The following NEBL variants were observed in gnomAD, a reference collection of about 807,000 sequenced individuals.
NEBL encodes the protein LIM and SH3 protein 2.
Under a neutral mutation model 140.2 loss-of-function variants are expected in NEBL, and 122 were observed. That is an observed-to-expected ratio of 0.87 (90% CI 0.75 to 1.01). NEBL has a LOEUF of 1.01. Among genes scored for constraint, NEBL ranks in the 50% least tolerant of loss-of-function variants. NEBL has a pLI of 0.00. For synonymous variants in NEBL, 436 were observed against 398.9 expected, an observed-to-expected ratio of 1.09 and a Z score of -1.11; for missense variants, 1,365 against 1,231.3, an observed-to-expected ratio of 1.11 and a Z score of -1.62.
intron 2 of NEBL, among the ~76,000 whole-genome samples, chr10:21,077,994 A>C (rs1321364769): frequency 6.6e-6 from 1 of 152,238 alleles, no homozygotes; most frequent in African/African-American, 2.4e-5. Context: ...TCACAGGGAC[A>C]CTGAGACACC....
intron 2 of NEBL, among the ~76,000 whole-genome samples, chr10:21,087,792 T>C (rs1165004928): frequency 2.0e-5 from 3 of 152,220 alleles, no homozygotes; most frequent in Non-Finnish European, 4.4e-5. Context: ...AATATTTAAG[T>C]GCCTTAGATA....
intron 3 of NEBL, among the ~76,000 whole-genome samples, chr10:21,230,541 T>G (rs1212543680): frequency 6.6e-6 from 1 of 152,080 alleles, no homozygotes; most frequent in African/African-American, 2.4e-5. Context: ...CCCTTTTGTT[T>G]TGAGAGAAAA....
At chr10:20,803,827 A>T (rs1837364364) in intron 26 of NEBL, among the ~76,000 whole-genome samples, 1 of 146,510 alleles carries the variant, frequency 6.8e-6, no homozygotes, top group African/African-American at 2.6e-5. Flanking sequence ...ATATATATAT[A>T]TATATATATA....
At chr10:21,109,992 C>T (rs1837914611) in intron 2 of NEBL, among the ~76,000 whole-genome samples, 1 of 151,904 alleles carries the variant, frequency 6.6e-6, no homozygotes, top group Non-Finnish European at 1.5e-5. Flanking sequence ...GTTTTTCATG[C>T]CTCTATCTCC....
At chr10:21,257,431 G>T (rs1412711668) in intron 1 of NEBL, among the ~76,000 whole-genome samples, 1 of 152,146 alleles carries the variant, frequency 6.6e-6, no homozygotes. Flanking sequence ...ATCTTACAGC[G>T]TTCTCCTGAG....
chr10:20,787,107 C>A, intron 27 of NEBL, 95 bp downstream of exon 27: 1 of 991,416 alleles, frequency 1.0e-6, no homozygotes, highest in South Asian at 1.4e-5. Context: ...ATGAAAATAC[C>A]CAATATTCAA....
rs794729079 is a variant in NEBL, at chr10:20,814,014, C to T, written c.2271G>A (p.Met757Ile). The T allele has an allele frequency of 3.1e-6, 5 of 1,609,488 alleles. No individual in the cohort carries two copies. The highest frequency in any genetic ancestry group is 4.3e-6 in the Non-Finnish European group (5 of 1,175,884). ...CTAAAATCAGACTTGGTCTACCTTT[C>T]ATCTGTTTATGGTCCTGGGTATATT... ...SVKYTQDHKQ[M>I]KGRPSLILDT... is the part of the protein sequence containing the mutation. Residue 757 changes from methionine (M) to isoleucine (I), a missense_variant, in exon 23 of 28, where the codon ATG (methionine) becomes ATA (isoleucine). Coordinates refer to ENST00000377122, the MANE Select transcript of NEBL (RefSeq NM_006393.3).
chr10:21,150,939 G>A (rs1055918532), intron 2 of NEBL, among the ~76,000 whole-genome samples: 1 of 152,150 alleles, frequency 6.6e-6, no homozygotes, highest in Non-Finnish European at 1.5e-5. Context: ...ATGCTCAAAA[G>A]AGGTGAGAGG....
At chr10:20,797,516 A>G (rs939184691) in intron 26 of NEBL, among the ~76,000 whole-genome samples, 2 of 152,186 alleles carry the variant, frequency 1.3e-5, no homozygotes, top group African/African-American at 4.8e-5. Flanking sequence ...TTTCCAACAA[A>G]TAGACATATA....
At chr10:21,002,522 C>T (rs189018682) in intron 3 of NEBL, among the ~76,000 whole-genome samples, 10 of 152,228 alleles carry the variant, frequency 6.6e-5, no homozygotes, top group Admixed American at 3.3e-4. Context: ...TCCATTCTCA[C>T]GCTGCTATAA....
chr10:20,838,146 G>A (rs1350879348), intron 13 of NEBL, among the ~76,000 whole-genome samples: 2 of 152,140 alleles, frequency 1.3e-5, no homozygotes, highest in African/African-American at 4.8e-5. Context: ...TGTCATAGAT[G>A]GTGATTCCTC....
At chr10:21,163,835 C>T (rs1330037823) in intron 2 of NEBL, among the ~76,000 whole-genome samples, 1 of 152,216 alleles carries the variant, frequency 6.6e-6, no homozygotes, top group Non-Finnish European at 1.5e-5. Flanking sequence ...AATGAGTCAA[C>T]AGAGAGTGTG....
At chr10:20,878,342 A>T (rs1371301502) in intron 5 of NEBL, among the ~76,000 whole-genome samples, 1 of 152,216 alleles carries the variant, frequency 6.6e-6, no homozygotes, top group Non-Finnish European at 1.5e-5. Flanking sequence ...GGTGAATCAG[A>T]TACACATATA....
intron 4 of NEBL, among the ~76,000 whole-genome samples, chr10:20,932,828 A>C (rs572773428): frequency 6.6e-6 from 1 of 152,348 alleles, no homozygotes; most frequent in South Asian, 2.1e-4. Context: ...CTGTAACCTC[A>C]GCAATCCCTA....
intron 14 of NEBL, among the ~76,000 whole-genome samples, chr10:20,833,656 G>C (rs904008371): frequency 3.3e-5 from 5 of 151,968 alleles, no homozygotes; most frequent in African/African-American, 1.2e-4. Flanking sequence ...TTCTCCTGCT[G>C]GGTTAAGAAT....
intron 4 of NEBL, among the ~76,000 whole-genome samples, chr10:20,919,032 G>C (rs1259081709): frequency 3.3e-5 from 5 of 151,820 alleles, no homozygotes; most frequent in Admixed American, 3.3e-4. Flanking sequence ...TTTTTCCTTT[G>C]GTATTACTAT....
intron 16 of NEBL, among the ~76,000 whole-genome samples, chr10:20,830,295 A>G (rs149846972): frequency 6.6e-6 from 1 of 152,326 alleles, no homozygotes; most frequent in East Asian, 1.9e-4. Context: ...ATTAAATGCT[A>G]TGGTCAATTT....
At chr10:20,951,866 C>G (rs1835484501) in intron 4 of NEBL, among the ~76,000 whole-genome samples, 1 of 152,180 alleles carries the variant, frequency 6.6e-6, no homozygotes, top group South Asian at 2.1e-4. Context: ...AGTTCTAAAT[C>G]TGCATCATGC....
At chr10:20,910,165 T>C (rs1404243796) in intron 4 of NEBL, among the ~76,000 whole-genome samples, 1 of 152,200 alleles carries the variant, frequency 6.6e-6, no homozygotes. Context: ...AGAAATGAGT[T>C]GAGGACATAC....
Sources: allele counts gnomAD v4.1 joint callset (sites outside exome capture counted in the v4.1 genomes callset), GRCh38; gene constraint gnomAD v4.1.1; transcripts MANE v1.5; gene names NCBI Gene and HGNC (gene_info 2026-07-23, HGNC 2026-07-21).